Variants in ENTPD1 observed in about 807,000 individuals in gnomAD.
ENTPD1 encodes ectonucleoside triphosphate diphosphohydrolase 1.
In ENTPD1, 33 loss-of-function variants were observed where a neutral mutation model predicts 57.0. The ratio of observed to expected loss-of-function variants is 0.58; its 90% CI spans 0.44 to 0.77. The LOEUF is 0.77. Ranked by LOEUF, ENTPD1 falls within the 30% of genes least tolerant of loss-of-function variation. The pLI is 0.00. For synonymous variants in ENTPD1, 202 were observed against 218.8 expected (o/e 0.92, Z 0.68); for missense variants, 501 against 603.4 (o/e 0.83, Z 1.78).
At chr10:95,736,072 C>A (rs552879932) in intron 1 of ENTPD1, among the ~76,000 whole-genome samples, 25 of 148,834 alleles carry the variant, frequency 1.7e-4, no homozygotes, top group African/African-American at 6.2e-4. Flanking sequence ...ATGACCTCAG[C>A]TCACTGCAAC....
At chr10:95,718,911 A>G (rs1267566475) in intron 1 of ENTPD1, among the ~76,000 whole-genome samples, 1 of 152,180 alleles carries the variant, frequency 6.6e-6, no homozygotes, top group African/African-American at 2.4e-5. Context: ...TTTCTTTATT[A>G]TTTGGAAGAA....
intron 9 of ENTPD1, among the ~76,000 whole-genome samples, chr10:95,865,801 G>A (rs1231980301): frequency 6.6e-6 from 1 of 151,940 alleles, no homozygotes; most frequent in East Asian, 1.9e-4. Flanking sequence ...ATGGTCTCAC[G>A]CTGTCACCCA....
At chr10:95,694,577 G>A in the ENTPD1 span, among the ~76,000 whole-genome samples, 1 of 151,752 alleles carries the variant, frequency 6.6e-6, no homozygotes, top group African/African-American at 2.4e-5. Flanking sequence ...TAAGAAAAAA[G>A]GGCAGGAAAA....
At chr10:95,862,295 G>A (rs533009992) in intron 8 of ENTPD1, among the ~76,000 whole-genome samples, 40 of 152,276 alleles carry the variant, frequency 2.6e-4, no homozygotes, top group African/African-American at 8.2e-4. Context: ...AAGCTGCATC[G>A]TCCACCCAGG....
intron 1 of ENTPD1, among the ~76,000 whole-genome samples, chr10:95,721,776 G>T (rs1490544978): frequency 2.0e-5 from 3 of 151,878 alleles, no homozygotes; most frequent in Non-Finnish European, 4.4e-5. Context: ...AATGCTTATT[G>T]CTTTCCAGGG....
upstream of ENTPD1, among the ~76,000 whole-genome samples, chr10:95,709,432 A>G (rs190904690): frequency 2.1e-3 from 315 of 151,602 alleles, 3 homozygotes; most frequent in African/African-American, 5.7e-3. Context: ...TGCCCAGTCT[A>G]GAGTGCAATG....
At chr10:95,805,019 G>C (rs1001771233) in intron 1 of ENTPD1, among the ~76,000 whole-genome samples, 1 of 152,130 alleles carries the variant, frequency 6.6e-6, no homozygotes, top group South Asian at 2.1e-4. Flanking sequence ...TTGGTGCAGA[G>C]CTGAGTTCAA....
At chr10:95,756,089 C>T (rs1173189291), upstream of ENTPD1, 4 of 1,516,404 alleles carry the variant, frequency 2.6e-6, no homozygotes, top group African/African-American at 4.2e-5. Flanking sequence ...CCTTCCGAAA[C>T]GGGGCCGGCT....
Position 95,873,773 on chromosome 10 carries a change from T to TA in ENTPD1, c.*7391dup. ...GAAACAAAAAGGGTTTAATTGGACT[T>TA]ACAGTTCCACATGGCTGGGGAGGCC... On this transcript the variant is annotated 3_prime_UTR_variant, in exon 10 of 10. Transcript: ENST00000371205. 1 of 914,508 alleles carries TA rather than the reference T, an allele frequency of 1.1e-6. No individual in the cohort carries two copies. Among genetic ancestry groups the TA allele is most frequent in the Non-Finnish European group, 1.3e-6 (1 of 765,402 alleles). The allele number at this position is 914,508 out of a possible 1,614,324, so 56.6% of individuals were successfully genotyped here.
chr10:95,858,391 C>A (rs1226569414), intron 7 of ENTPD1, among the ~76,000 whole-genome samples: 4 of 152,004 alleles, frequency 2.6e-5, no homozygotes, highest in Non-Finnish European at 5.9e-5. Flanking sequence ...TTTTCAGCGA[C>A]CTTGTAGGAT....
chr10:95,850,348 TG>T (rs891849601), intron 7 of ENTPD1, among the ~76,000 whole-genome samples: 9 of 152,218 alleles, frequency 5.9e-5, no homozygotes, highest in African/African-American at 2.2e-4. Flanking sequence ...TGATGTTTTT[TG>T]TTTTGTTTTG....
In ENTPD1 at chr10:95,756,199, G is replaced by T. The variant is rs1050197283; in HGVS notation, c.-41G>T. 1 of 1,581,248 alleles carries T rather than the reference G, an allele frequency of 6.3e-7. No individual in the cohort carries two copies. The highest frequency in any genetic ancestry group is 1.8e-5 in the Admixed American group (1 of 55,566). On this transcript the variant is annotated 5_prime_UTR_variant, in exon 1 of 10. Coordinates refer to ENST00000371205, the MANE Select transcript of ENTPD1 (RefSeq NM_001776.6). ...CCACAGCAAGCAGAGGCTGGGGGGG[G>T]GAAAGACGAGGAAAGAGGAGGAAAA...
chr10:95,857,670 A>G (rs1050267321), intron 7 of ENTPD1, among the ~76,000 whole-genome samples: 1 of 152,234 alleles, frequency 6.6e-6, no homozygotes, highest in Admixed American at 6.5e-5. Flanking sequence ...GTTGTGCCTT[A>G]GGAACTAGAG....
Position 95,711,877 on chromosome 10 carries a change from AG to A in ENTPD1, c.-76del, listed in dbSNP as rs2097965861. 4.4e-6 allele frequency: 7 copies of A among 1,602,770 alleles called. No homozygotes were observed. In the Admixed American group the frequency reaches 6.7e-5, roughly 15 times the overall value. Reference sequence around the variant, plus strand: ...TTGTCAGTGAAACTTCAGAGGGCAAAGGGGAAGTTTTCCTTGGCCCCTCCAG... The same window carrying A: ...TTGTCAGTGAAACTTCAGAGGGCAAAGGGAAGTTTTCCTTGGCCCCTCCAG... On this transcript the variant is annotated 5_prime_UTR_variant, in exon 1 of 10. Transcript: ENST00000453258.
intron 1 of ENTPD1, among the ~76,000 whole-genome samples, chr10:95,759,502 T>G (rs2139972985): frequency 6.6e-6 from 1 of 152,354 alleles, no homozygotes; most frequent in East Asian, 1.9e-4. Context: ...AACCTTGCTG[T>G]CTGAGATAAT....
At chr10:95,863,197 G>A (rs2098468280) in intron 8 of ENTPD1, among the ~76,000 whole-genome samples, 1 of 152,186 alleles carries the variant, frequency 6.6e-6, no homozygotes, top group Non-Finnish European at 1.5e-5. Context: ...GAAGGAGGAG[G>A]GGAATAGGAG....
intron 6 of ENTPD1, among the ~76,000 whole-genome samples, chr10:95,846,961 C>T (rs969073057): frequency 1.1e-4 from 17 of 151,464 alleles, no homozygotes; most frequent in Admixed American, 5.3e-4. Flanking sequence ...TTTACTCCAG[C>T]CTGGGCGACA....
intron 7 of ENTPD1, among the ~76,000 whole-genome samples, chr10:95,848,727 C>G (rs2098439926): frequency 6.6e-6 from 1 of 152,342 alleles, no homozygotes; most frequent in African/African-American, 2.4e-5. Context: ...GAAGTGCCAA[C>G]TGACATCTTT....
chr10:95,796,021 G>A (rs2098224614), intron 1 of ENTPD1, among the ~76,000 whole-genome samples: 2 of 152,144 alleles, frequency 1.3e-5, no homozygotes, highest in South Asian at 4.1e-4. Context: ...TGAAGTTGAG[G>A]TTGCCTGGAA....
Sources: allele counts gnomAD v4.1 joint callset (sites outside exome capture counted in the v4.1 genomes callset), GRCh38; gene constraint gnomAD v4.1.1; transcripts MANE v1.5; gene names NCBI Gene and HGNC (gene_info 2026-07-23, HGNC 2026-07-21).